The following WFDC6 variants were observed in gnomAD, a reference collection of about 807,000 sequenced individuals.
The protein encoded by WFDC6 is WAP four-disulfide core domain protein 6.
WFDC6 carries 10 observed loss-of-function variants against 8.2 expected under a neutral mutation model. That is an observed-to-expected ratio of 1.22 (90% CI 0.75 to 2.07). WFDC6 has a LOEUF of 2.07. Among genes scored for constraint, WFDC6 ranks in the 30% most tolerant of loss-of-function variants. WFDC6 has a pLI of 0.00. For synonymous variants in WFDC6, 28 were observed against 37.0 expected (o/e 0.76, Z 0.88); for missense variants, 105 against 104.9 (o/e 1.00, Z 0.00).
In WFDC6 at chr20:45,538,034, G is replaced by T. The variant is rs1979435725; in HGVS notation, c.152C>A (p.Pro51His). The T allele has an allele frequency of 1.2e-6, 2 of 1,613,946 alleles. No individual in the cohort carries two copies. The highest frequency in any genetic ancestry group is 1.7e-6 in the Non-Finnish European group (2 of 1,179,918). Residue 51 changes from proline (P) to histidine (H), a missense_variant, in exon 2 of 3, where the codon CCC becomes CAC. Pro to His is a moderately conservative substitution (Grantham distance 77). Coordinates refer to ENST00000372670, the MANE Select transcript of WFDC6 (RefSeq NM_080827.2). ...EVEEIDQCTK[P>H]RDCPENMKCC... ...CTTCATGTTTTCTGGGCAATCTCTG[G>T]GTTTGGTACACTGGTCTATTTCTTC...
chr20:45,534,429 G>A lies in WFDC6; in HGVS notation c.*38C>T, dbSNP rs779485458. On this transcript the variant is annotated 3_prime_UTR_variant, in exon 3 of 3. Transcript: ENST00000372670. Reference sequence around the variant, plus strand: ...AATTTGGAGCATCAATCAGGCACACGTGGAGAGAGGCCTGGATTATGAGCC... The same window carrying A: ...AATTTGGAGCATCAATCAGGCACACATGGAGAGAGGCCTGGATTATGAGCC... 30 of 1,613,152 alleles carry A rather than the reference G, an allele frequency of 1.9e-5. No homozygotes were observed. The South Asian group carries it at 2.5e-4, about 14-fold the overall frequency.
At chr20:45,537,276 A>G in intron 2 of WFDC6, 1 of 532,094 alleles carries the variant, frequency 1.9e-6, no homozygotes, top group Non-Finnish European at 3.4e-6. Flanking sequence ...CTGAAAGGCT[A>G]TTTCTTCCCA....
intron 1 of WFDC6, among the ~76,000 whole-genome samples, chr20:45,538,605 G>A (rs4812909): frequency 0.13 from 20,530 of 152,188 alleles, 1,808 homozygotes; most frequent in East Asian, 0.31. Flanking sequence ...GCAATGTAAC[G>A]TAACAATGAG....
At chr20:45,535,186 G>T (rs41304411) in intron 2 of WFDC6, 131,723 of 1,304,148 alleles carry the variant, frequency 0.1, 7,810 homozygotes, top group South Asian at 0.22. Flanking sequence ...TGACCAGACA[G>T]ATAGCTTCAG....
intron 2 of WFDC6, 112 bp downstream of exon 2, chr20:45,537,852 C>G: frequency 6.4e-7 from 1 of 1,567,548 alleles, no homozygotes; most frequent in Non-Finnish European, 8.6e-7. Flanking sequence ...GAAGATGTAC[C>G]TAAACTCTTG....
At chr20:45,536,438 G>T (rs1364923478) in intron 2 of WFDC6, among the ~76,000 whole-genome samples, 1 of 152,180 alleles carries the variant, frequency 6.6e-6, no homozygotes, top group Non-Finnish European at 1.5e-5. Context: ...GCATTGATTA[G>T]TGTTCTTAGT....
chr20:45,535,528 A>G (rs1979333534), intron 2 of WFDC6, among the ~76,000 whole-genome samples: 1 of 152,152 alleles, frequency 6.6e-6, no homozygotes, highest in African/African-American at 2.4e-5. Context: ...GTAAGATGAG[A>G]ATACAAAATC....
Position 45,535,204 on chromosome 20 carries a change from G to A in WFDC6, c.223-699C>T, listed in dbSNP as rs1238737808. ...CCAGACAGATAGCTTCAGTTTGGAAGTTGTTATTGTTCCCCTGGCTACCGC... is the reference window on the plus strand; with the variant it reads ...CCAGACAGATAGCTTCAGTTTGGAAATTGTTATTGTTCCCCTGGCTACCGC... On this transcript the variant is annotated intron_variant, in intron 2 of 2. Coordinates refer to ENST00000372670, the MANE Select transcript of WFDC6 (RefSeq NM_080827.2). 3.8e-6 allele frequency: 5 copies of A among 1,304,142 alleles called. No individual in the cohort carries two copies. The African/African-American group carries it at 7.6e-5, about 20-fold the overall frequency. 80.8% of individuals were successfully genotyped at this position (1,304,142 alleles called of 1,614,324 possible). A position where few individuals can be genotyped will look rare whatever the true frequency, so the allele number is the denominator to read the frequency against.
At chr20:45,537,482 G>A in intron 2 of WFDC6, 1 of 1,498,122 alleles carries the variant, frequency 6.7e-7, no homozygotes, top group Non-Finnish European at 9.1e-7. Context: ...AATATGGGCA[G>A]AGAAGAAAGA....
In WFDC6 at chr20:45,539,286, C is replaced by T. The variant is rs758095519; in HGVS notation, c.91+31G>A. On this transcript the variant is annotated intron_variant, in intron 1 of 2. Transcript: ENST00000372670. Reference sequence around the variant, plus strand: ...TTCCTCCCCACTGAGTTTCCTTTCCCCATTGCAAGGACGGAGTTCCCAATA... The same window carrying T: ...TTCCTCCCCACTGAGTTTCCTTTCCTCATTGCAAGGACGGAGTTCCCAATA... 4 of 1,598,924 alleles carry T rather than the reference C, an allele frequency of 2.5e-6. No individual in the cohort carries two copies. The African/African-American group carries it at 5.4e-5, about 21-fold the overall frequency.
At chr20:45,537,730 C>T (rs1979420536) in intron 2 of WFDC6, among the ~76,000 whole-genome samples, 1 of 152,108 alleles carries the variant, frequency 6.6e-6, no homozygotes, top group African/African-American at 2.4e-5. Context: ...GAAAGGGAAA[C>T]TGAGGCCCAG....
chr20:45,538,921 A>G (rs1979476802), intron 1 of WFDC6, among the ~76,000 whole-genome samples: 1 of 152,098 alleles, frequency 6.6e-6, no homozygotes, highest in South Asian at 2.1e-4. Context: ...CTTTAACCCA[A>G]AGACCAGGGT....
At chr20:45,538,361 A>G (rs887277761) in intron 1 of WFDC6, among the ~76,000 whole-genome samples, 2 of 152,138 alleles carry the variant, frequency 1.3e-5, no homozygotes, top group Non-Finnish European at 2.9e-5. Context: ...CATTCCTCTA[A>G]GACTGTTCTG....
At chr20:45,534,598 A>C in intron 2 of WFDC6, 93 bp from the exon 3 acceptor site, 1 of 1,446,240 alleles carries the variant, frequency 6.9e-7, no homozygotes, top group Non-Finnish European at 9.6e-7. Context: ...AGGTGGGATC[A>C]TTTTTACATC....
At chr20:45,538,507 T>C (rs1979460925) in intron 1 of WFDC6, among the ~76,000 whole-genome samples, 1 of 152,214 alleles carries the variant, frequency 6.6e-6, no homozygotes, top group Non-Finnish European at 1.5e-5. Flanking sequence ...GCACTCTCTC[T>C]GAGCCTTGAT....
At chr20:45,537,500 C>T (rs1335757134) in intron 2 of WFDC6, 23 of 1,542,356 alleles carry the variant, frequency 1.5e-5, no homozygotes, top group African/African-American at 1.2e-4. Context: ...AGAGTGTAGG[C>T]GGTCTAAGGT....
intron 2 of WFDC6, chr20:45,535,477 G>A (rs1332376785): frequency 3.2e-6 from 3 of 924,750 alleles, no homozygotes; most frequent in East Asian, 7.4e-5. Context: ...TGTGAACCCT[G>A]ACCACTCATT....
chr20:45,539,292 C>G, intron 1 of WFDC6, 25 bp downstream of exon 1: 1 of 1,608,368 alleles, frequency 6.2e-7, no homozygotes. Flanking sequence ...TTCCCCATTG[C>G]AAGGACGGAG....
At position 45,537,223 on chromosome 20, in the gene WFDC6, C is replaced by G. The variant is rs8122578; in HGVS notation, c.222+741G>C. 2.9e-3 allele frequency: 1,134 copies of G among 386,010 alleles called. 10 individuals are homozygous for G. Among genetic ancestry groups the G allele is most frequent in the African/African-American group, 0.021 (1,040 of 49,810 alleles). 23.9% of individuals were successfully genotyped at this position (386,010 alleles called of 1,614,324 possible). On this transcript the variant is annotated intron_variant, in intron 2 of 2. Coordinates refer to ENST00000372670, the MANE Select transcript of WFDC6 (RefSeq NM_080827.2). ...TTCTAGCCTTTCTAGACCTGAACAT[C>G]CTGCCTCCTGCCACAGAGCCTTTGC...
Sources: allele counts gnomAD v4.1 joint callset (sites outside exome capture counted in the v4.1 genomes callset), GRCh38; gene constraint gnomAD v4.1.1; transcripts MANE v1.5; gene names NCBI Gene and HGNC (gene_info 2026-07-23, HGNC 2026-07-21).